CCDC7: variants seen among roughly 807,000 people sequenced by gnomAD.
CCDC7 encodes coiled-coil domain containing 7.
A neutral mutation model predicts 196.9 loss-of-function variants in CCDC7; 183 were observed. The observed-to-expected ratio is 0.93, with a 90% CI of 0.82 to 1.05. The LOEUF (loss-of-function observed/expected upper bound fraction) is 1.05. CCDC7 is among the 50% of genes least tolerant of loss of function. CCDC7 has a pLI of 0.00. For synonymous variants in CCDC7, 525 were observed against 484.6 expected (o/e 1.08, Z -1.10); for missense variants, 1,540 against 1,482.2 (o/e 1.04, Z -0.64).
intron 18 of CCDC7, among the ~76,000 whole-genome samples, chr10:32,615,589 T>A (rs1397969356): frequency 1.3e-5 from 2 of 152,114 alleles, no homozygotes; most frequent in Non-Finnish European, 2.9e-5. Context: ...GTTGGATGCA[T>A]AATTTACAAG....
intron 15 of CCDC7, among the ~76,000 whole-genome samples, chr10:32,570,635 G>C (rs940106233): frequency 1.3e-5 from 2 of 152,158 alleles, no homozygotes; most frequent in Non-Finnish European, 2.9e-5. Flanking sequence ...AGCCACACTA[G>C]GCATAGTTAT....
At chr10:32,717,895 CAAAA>C (rs56282080) in intron 25 of CCDC7, among the ~76,000 whole-genome samples, 3 of 130,446 alleles carry the variant, frequency 2.3e-5, no homozygotes, top group Non-Finnish European at 4.8e-5. Flanking sequence ...AATAGCCTAC[CAAAA>C]AAAAAAAAAA....
intron 28 of CCDC7, among the ~76,000 whole-genome samples, chr10:32,739,654 G>GT (rs58246332): frequency 0.089 from 12,669 of 143,048 alleles, 738 homozygotes; most frequent in African/African-American, 0.17. Flanking sequence ...TTCAGACTAT[G>GT]TTTTTTTTTT....
intron 41 of CCDC7, among the ~76,000 whole-genome samples, chr10:32,855,971 G>A (rs2093737478): frequency 6.6e-6 from 1 of 151,922 alleles, no homozygotes; most frequent in African/African-American, 2.4e-5. Context: ...AAGACTAATC[G>A]GTATGGAAAA....
chr10:32,614,018 C>T (rs2062483166), intron 18 of CCDC7, among the ~76,000 whole-genome samples: 1 of 152,020 alleles, frequency 6.6e-6, no homozygotes, highest in South Asian at 2.1e-4. Context: ...TTAACGTCTC[C>T]CACTATTATT....
At chr10:32,840,368 G>A (rs1300036168) in intron 33 of CCDC7, among the ~76,000 whole-genome samples, 1 of 151,786 alleles carries the variant, frequency 6.6e-6, no homozygotes, top group African/African-American at 2.4e-5. Context: ...AGGCTACTCT[G>A]AACACATTTA....
intron 8 of CCDC7, among the ~76,000 whole-genome samples, chr10:32,482,084 CT>C (rs1273758905): frequency 2.0e-5 from 3 of 151,846 alleles, no homozygotes; most frequent in Non-Finnish European, 4.4e-5. Context: ...TTCAAATAAG[CT>C]TTCTGCCCCT....
At chr10:32,792,050 T>C (rs1310637683) in intron 29 of CCDC7, among the ~76,000 whole-genome samples, 3 of 152,048 alleles carry the variant, frequency 2.0e-5, no homozygotes, top group African/African-American at 7.2e-5. Flanking sequence ...TTGAATGATA[T>C]GTTCAAAGTG....
chr10:32,861,613 T>C (rs2093986845), intron 41 of CCDC7, among the ~76,000 whole-genome samples: 1 of 152,060 alleles, frequency 6.6e-6, no homozygotes, highest in Non-Finnish European at 1.5e-5. Context: ...CAAAAGAAAC[T>C]ATCATCATAG....
At chr10:32,835,962 A>C (rs77099936) in intron 33 of CCDC7, among the ~76,000 whole-genome samples, 2,331 of 152,288 alleles carry the variant, frequency 0.015, 67 homozygotes, top group African/African-American at 0.053. Flanking sequence ...AGAGGAGTAT[A>C]ACAGTCATTT....
chr10:32,786,245 C>CT (rs2081854123), intron 29 of CCDC7, among the ~76,000 whole-genome samples: 1 of 152,170 alleles, frequency 6.6e-6, no homozygotes, highest in South Asian at 2.1e-4. Flanking sequence ...AAATGTCTGA[C>CT]TGTAGCTTTC....
intron 37 of CCDC7, 118 bp from the exon 39 acceptor site, chr10:32,847,715 T>TA (rs746585280): frequency 0.094 from 46,863 of 499,122 alleles, 2 homozygotes; most frequent in South Asian, 0.12. Context: ...ATCCTGTCTC[T>TA]AAAAAAAAAA....
At chr10:32,664,724 A>G (rs2072272854) in intron 21 of CCDC7, among the ~76,000 whole-genome samples, 1 of 152,034 alleles carries the variant, frequency 6.6e-6, no homozygotes, top group East Asian at 1.9e-4. Flanking sequence ...GTGGCTGGAC[A>G]CTAAGTTTGA....
At chr10:32,738,276 A>C (rs1038116721) in intron 28 of CCDC7, among the ~76,000 whole-genome samples, 1 of 152,094 alleles carries the variant, frequency 6.6e-6, no homozygotes, top group Non-Finnish European at 1.5e-5. Flanking sequence ...ATATCACTAT[A>C]TCGCTTCATG....
intron 29 of CCDC7, among the ~76,000 whole-genome samples, chr10:32,789,629 G>A (rs957082616): frequency 6.6e-6 from 1 of 151,914 alleles, no homozygotes; most frequent in Non-Finnish European, 1.5e-5. Flanking sequence ...CCAAAAGCAT[G>A]CATTGGAAAC....
At chr10:32,864,206 T>A (rs1246280160) in intron 41 of CCDC7, among the ~76,000 whole-genome samples, 1 of 151,552 alleles carries the variant, frequency 6.6e-6, no homozygotes, top group African/African-American at 2.4e-5. Context: ...CACTTCATAG[T>A]CATTAGGATG....
chr10:32,713,172 T>A (rs2081085431), intron 25 of CCDC7, among the ~76,000 whole-genome samples: 1 of 152,180 alleles, frequency 6.6e-6, no homozygotes, highest in African/African-American at 2.4e-5. Flanking sequence ...AATAGGGGTT[T>A]ATAGTGGCCC....
At chr10:32,832,943 G>C (rs559589672) in intron 32 of CCDC7, among the ~76,000 whole-genome samples, 1 of 152,122 alleles carries the variant, frequency 6.6e-6, no homozygotes, top group South Asian at 2.1e-4. Context: ...AAATGGCTGG[G>C]AGCAATAGTA....
chr10:32,831,059 C>G (rs1389132476), intron 32 of CCDC7, among the ~76,000 whole-genome samples: 1 of 152,158 alleles, frequency 6.6e-6, no homozygotes. Context: ...TATACTTACA[C>G]AAACCTAGGT....
Sources: allele counts gnomAD v4.1 joint callset (sites outside exome capture counted in the v4.1 genomes callset), GRCh38; gene constraint gnomAD v4.1.1; transcripts MANE v1.5; gene names NCBI Gene and HGNC (gene_info 2026-07-23, HGNC 2026-07-21).